The following OSTF1 variants were observed in gnomAD, a reference collection of about 807,000 sequenced individuals.
OSTF1 encodes the protein osteoclast stimulating factor 1.
A neutral mutation model predicts 37.2 loss-of-function variants in OSTF1; 27 were observed. The observed-to-expected ratio is 0.73, with a 90% confidence interval of 0.54 to 1.00. The LOEUF is 1.00. OSTF1 is among the 50% of genes least tolerant of loss of function. The probability of loss-of-function intolerance (pLI) is 0.00; values close to 1 mark genes in which losing one functional copy is unlikely to be tolerated. For synonymous variants in OSTF1, 82 were observed against 89.2 expected (o/e 0.92, Z 0.46); for missense variants, 232 against 253.8 (o/e 0.91, Z 0.58).
chr9:75,132,972 T>TAC (rs57913558), intron 5 of OSTF1, among the ~76,000 whole-genome samples: 3,619 of 60,214 alleles, frequency 0.06, 98 homozygotes, highest in East Asian at 0.17. Flanking sequence ...TACACACACA[T>TAC]ACACACACAC....
intron 9 of OSTF1, among the ~76,000 whole-genome samples, chr9:75,145,759 C>T (rs1826013824): frequency 6.6e-6 from 1 of 152,136 alleles, no homozygotes; most frequent in Admixed American, 6.5e-5. Context: ...TTAATCCATT[C>T]CAATTAGTAG....
intron 1 of OSTF1, among the ~76,000 whole-genome samples, chr9:75,107,362 T>G (rs1291759081): frequency 6.6e-6 from 1 of 152,140 alleles, no homozygotes; most frequent in African/African-American, 2.4e-5. Flanking sequence ...GGGGTATAAA[T>G]TAAGAAGATT....
intron 1 of OSTF1, among the ~76,000 whole-genome samples, chr9:75,114,498 A>C (rs2118501790): frequency 6.6e-6 from 1 of 152,218 alleles, no homozygotes; most frequent in Admixed American, 6.5e-5. Flanking sequence ...AAGTTATGTC[A>C]GACAGTACTG....
chr9:75,094,755 A>G (rs1825043161), intron 1 of OSTF1, among the ~76,000 whole-genome samples: 1 of 152,184 alleles, frequency 6.6e-6, no homozygotes, highest in South Asian at 2.1e-4. Flanking sequence ...TTTCAGAAAA[A>G]TGTACAGGCC....
chr9:75,138,301 G>A (rs1489186161), intron 8 of OSTF1, among the ~76,000 whole-genome samples: 2 of 152,162 alleles, frequency 1.3e-5, no homozygotes, highest in African/African-American at 4.8e-5. Context: ...GAGCAATATT[G>A]TGGGATATAT....
chr9:75,136,064 T>C (rs1160425018), intron 7 of OSTF1, among the ~76,000 whole-genome samples: 1 of 152,076 alleles, frequency 6.6e-6, no homozygotes, highest in Admixed American at 6.5e-5. Context: ...ATTATGGGAG[T>C]GATAGCCTGT....
At chr9:75,141,038 C>G in intron 9 of OSTF1, 106 bp downstream of exon 9, 1 of 740,484 alleles carries the variant, frequency 1.4e-6, no homozygotes, top group Non-Finnish European at 2.2e-6. Context: ...GTGGCTTATA[C>G]CTGTAATCCC....
Position 75,133,380 on chromosome 9 carries a change from G to A in OSTF1, c.337G>A (p.Ala113Thr), listed in dbSNP as rs761409493. The change falls in exon 6 of 10, where the codon GCT (alanine) becomes ACT (threonine). Residue 113 changes from alanine to threonine, a missense_variant. Physicochemically the swap from Ala to Thr is moderately conservative, Grantham distance 58. Coordinates refer to ENST00000346234, the MANE Select transcript of OSTF1 (RefSeq NM_012383.5). Reference sequence around the variant, plus strand: ...AGCTGGAAGCACTGCCTTATACTGGGCTTGCCACGGGGGCCACAAAGGTAT... The same window carrying A: ...AGCTGGAAGCACTGCCTTATACTGGACTTGCCACGGGGGCCACAAAGGTAT... ...DKAGSTALYW[A>T]CHGGHKDIVE... 6.2e-6 allele frequency: 10 copies of A among 1,606,256 alleles called. No homozygotes were observed. The highest frequency in any genetic ancestry group is 7.7e-6 in the Non-Finnish European group (9 of 1,173,528).
intron 1 of OSTF1, among the ~76,000 whole-genome samples, chr9:75,108,293 A>G (rs751726861): frequency 3.3e-5 from 5 of 151,862 alleles, no homozygotes; most frequent in Non-Finnish European, 5.9e-5. Context: ...TGCTTTGGAA[A>G]CAAGTAATTT....
intron 1 of OSTF1, among the ~76,000 whole-genome samples, chr9:75,114,448 T>C (rs1264719714): frequency 6.6e-6 from 1 of 152,208 alleles, no homozygotes; most frequent in East Asian, 1.9e-4. Flanking sequence ...AGAAGCTACA[T>C]GTGACTAGCA....
At chr9:75,138,789 T>C (rs1469331096) in intron 8 of OSTF1, among the ~76,000 whole-genome samples, 2 of 152,146 alleles carry the variant, frequency 1.3e-5, no homozygotes, top group Admixed American at 1.3e-4. Context: ...CCTGTTCTGA[T>C]AGAAATCATG....
In OSTF1 at chr9:75,090,802, G is replaced by A. The variant is rs149156325; in HGVS notation, c.34+2076G>A. On this transcript the variant is annotated intron_variant, in intron 1 of 9. Transcript: ENST00000346234. ...AGCCTGGGCAACATAGCAAGACCCC[G>A]TCTCAACAGAGTACAAAAAACAAAA... Among the ~76,000 whole-genome samples the A allele has an allele frequency of 7.0e-3, 1,068 of 152,216 alleles. 13 individuals carry two copies. The highest frequency in any genetic ancestry group is 0.031 in the South Asian group (148 of 4,816).
At chr9:75,092,295 G>A (rs1305782587) in intron 1 of OSTF1, among the ~76,000 whole-genome samples, 5 of 152,224 alleles carry the variant, frequency 3.3e-5, no homozygotes, top group Admixed American at 1.3e-4. Flanking sequence ...ACCATCTGGA[G>A]GATAGATCAG....
chr9:75,128,456 C>CGTAT lies in OSTF1; in HGVS notation c.132+837_132+838insGTAT, dbSNP rs1260758767. Among the ~76,000 whole-genome samples, 2 of 10,026 alleles carry CGTAT rather than the reference C, an allele frequency of 2.0e-4. 1 individual carries two copies. The highest frequency in any genetic ancestry group is 3.9e-4 in the Non-Finnish European group (2 of 5,112). The allele number at this position is 10,026 out of a possible 152,430, so 6.6% of individuals were successfully genotyped here. Reference sequence around the variant, plus strand: ...TGTCCATATATATATATATTTTGTCCATATATATATATATTTTGTCCATAT... The same window carrying CGTAT: ...TGTCCATATATATATATATTTTGTCCGTATATATATATATATATTTTGTCCATAT... On this transcript the variant is annotated intron_variant, in intron 3 of 9. Transcript: ENST00000346234.
intron 1 of OSTF1, among the ~76,000 whole-genome samples, chr9:75,099,478 G>T (rs1825151330): frequency 6.6e-6 from 1 of 151,976 alleles, no homozygotes; most frequent in Non-Finnish European, 1.5e-5. Context: ...GTCTGATGGG[G>T]TCTCCATAGT....
intron 9 of OSTF1, among the ~76,000 whole-genome samples, chr9:75,145,613 A>G (rs577692199): frequency 2.0e-5 from 3 of 152,230 alleles, no homozygotes; most frequent in Admixed American, 6.5e-5. Context: ...GGAACAGTTA[A>G]TGTAGCAAGG....
At chr9:75,122,657 G>A (rs1825598448) in intron 2 of OSTF1, among the ~76,000 whole-genome samples, 1 of 152,164 alleles carries the variant, frequency 6.6e-6, no homozygotes, top group South Asian at 2.1e-4. Flanking sequence ...CTGACTTATA[G>A]TTCAAGTCCA....
intron 5 of OSTF1, among the ~76,000 whole-genome samples, chr9:75,132,972 TACACAC>T (rs57913558): frequency 0.093 from 5,615 of 60,274 alleles, 138 homozygotes; most frequent in Admixed American, 0.12. Flanking sequence ...TACACACACA[TACACAC>T]ACACACACAC....
At chr9:75,113,998 G>A (rs897909620) in intron 1 of OSTF1, among the ~76,000 whole-genome samples, 2 of 152,104 alleles carry the variant, frequency 1.3e-5, no homozygotes, top group African/African-American at 2.4e-5. Context: ...GTTTCTATGA[G>A]TTCAACATTT....
Sources: gnomAD v4.1 joint callset for allele counts (sites outside exome capture counted in the v4.1 genomes callset) on GRCh38, gnomAD v4.1.1 for gene constraint, MANE v1.5 for transcripts, NCBI Gene and HGNC (gene_info 2026-07-23, HGNC 2026-07-21) for gene names.